Variants in SPIDR observed in about 807,000 individuals in gnomAD.
SPIDR encodes the protein scaffold protein involved in DNA repair.
In SPIDR, 93 loss-of-function variants were observed where a neutral mutation model predicts 104.6. The ratio of observed to expected loss-of-function variants is 0.89; its 90% CI spans 0.75 to 1.06. The LOEUF (loss-of-function observed/expected upper bound fraction) is 1.06. Among genes scored for constraint, SPIDR ranks in the 50% least tolerant of loss-of-function variants. The pLI is 0.00. For synonymous variants in SPIDR, 431 were observed against 416.9 expected (o/e 1.03, Z -0.41); for missense variants, 1,154 against 1,111.2 (o/e 1.04, Z -0.55).
chr8:47,393,924 TC>T (rs2060940679), intron 5 of SPIDR, among the ~76,000 whole-genome samples: 1 of 151,042 alleles, frequency 6.6e-6, no homozygotes, highest in African/African-American at 2.4e-5. Flanking sequence ...ATCCCCTGCT[TC>T]CTTTCTTCTC....
At chr8:47,344,469 T>C (rs1159938164) in intron 5 of SPIDR, among the ~76,000 whole-genome samples, 1 of 152,256 alleles carries the variant, frequency 6.6e-6, no homozygotes, top group Non-Finnish European at 1.5e-5. Context: ...TTTATAATCC[T>C]TTGGGTATAT....
intron 5 of SPIDR, among the ~76,000 whole-genome samples, chr8:47,373,071 T>C (rs2058227702): frequency 6.6e-6 from 1 of 152,218 alleles, no homozygotes; most frequent in South Asian, 2.1e-4. Flanking sequence ...AAATTGGAGA[T>C]ACACCTGAAA....
intron 11 of SPIDR, among the ~76,000 whole-genome samples, chr8:47,687,433 C>T (rs2077965979): frequency 6.6e-6 from 1 of 152,240 alleles, no homozygotes; most frequent in Non-Finnish European, 1.5e-5. Flanking sequence ...TCCTGATAGA[C>T]ATTCAGGTTG....
At chr8:47,654,068 T>C in intron 10 of SPIDR, 12 of 1,289,732 alleles carry the variant, frequency 9.3e-6, no homozygotes, top group Non-Finnish European at 1.2e-5. Flanking sequence ...GGTAGCAGCA[T>C]CTTGATCTTC....
chr8:47,422,173 C>G (rs150929496), intron 7 of SPIDR, among the ~76,000 whole-genome samples: 1 of 152,224 alleles, frequency 6.6e-6, no homozygotes, highest in African/African-American at 2.4e-5. Flanking sequence ...GAGGTTTCTG[C>G]TGCCTTTTGT....
At chr8:47,626,744 G>T (rs971535184) in intron 10 of SPIDR, among the ~76,000 whole-genome samples, 5 of 152,204 alleles carry the variant, frequency 3.3e-5, no homozygotes, top group African/African-American at 1.2e-4. Flanking sequence ...AACAACAGGT[G>T]CTGGGGAGGA....
intron 5 of SPIDR, among the ~76,000 whole-genome samples, chr8:47,327,751 C>T (rs782721492): frequency 2.6e-5 from 4 of 151,998 alleles, no homozygotes; most frequent in Admixed American, 6.6e-5. Flanking sequence ...TTAGTAGACA[C>T]GGGGTTTCAC....
intron 8 of SPIDR, chr8:47,511,092 C>G (rs2082247048): frequency 6.9e-6 from 9 of 1,309,010 alleles, no homozygotes; most frequent in Non-Finnish European, 1.0e-5. Context: ...GGGTCCAGCT[C>G]TCGTCAGCCA....
chr8:47,668,471 TAAAAAAAA>T (rs74274281), intron 10 of SPIDR, among the ~76,000 whole-genome samples: 1 of 144,420 alleles, frequency 6.9e-6, no homozygotes, highest in African/African-American at 2.5e-5. Context: ...ATTCATGATT[TAAAAAAAA>T]AAAAAATTCC....
intron 5 of SPIDR, among the ~76,000 whole-genome samples, chr8:47,342,858 A>T (rs1554614962): frequency 6.6e-6 from 1 of 152,200 alleles, no homozygotes; most frequent in Non-Finnish European, 1.5e-5. Flanking sequence ...CAGACTAGTC[A>T]TATTTATGAG....
intron 11 of SPIDR, among the ~76,000 whole-genome samples, chr8:47,695,678 T>C (rs1242922449): frequency 6.6e-6 from 1 of 152,208 alleles, no homozygotes; most frequent in Non-Finnish European, 1.5e-5. Context: ...AAAGAAGACT[T>C]TCCATGTTTA....
At chr8:47,434,969 T>C (rs1306659032) in intron 7 of SPIDR, among the ~76,000 whole-genome samples, 1 of 152,144 alleles carries the variant, frequency 6.6e-6, no homozygotes, top group African/African-American at 2.4e-5. Flanking sequence ...GTGTTTCTTT[T>C]TTTCATTTTT....
chr8:47,361,275 A>G (rs1554629816), intron 5 of SPIDR, among the ~76,000 whole-genome samples: 1 of 152,194 alleles, frequency 6.6e-6, no homozygotes, highest in East Asian at 1.9e-4. Flanking sequence ...TAAATCATTA[A>G]TTTTTATAAG....
chr8:47,475,891 A>C (rs1260014602), intron 8 of SPIDR, among the ~76,000 whole-genome samples: 1 of 152,236 alleles, frequency 6.6e-6, no homozygotes, highest in Admixed American at 6.5e-5. Context: ...TATAACTGGA[A>C]AAAGAAAAGT....
intron 8 of SPIDR, among the ~76,000 whole-genome samples, chr8:47,555,895 C>A (rs1025627934): frequency 1.8e-4 from 28 of 152,194 alleles, no homozygotes; most frequent in Admixed American, 6.5e-4. Flanking sequence ...CTTTTTCATT[C>A]ATCAAGTCAG....
At chr8:47,282,465 G>A (rs2037982853) in intron 2 of SPIDR, among the ~76,000 whole-genome samples, 1 of 152,172 alleles carries the variant, frequency 6.6e-6, no homozygotes, top group African/African-American at 2.4e-5. Flanking sequence ...GCATTACCTT[G>A]TACTTTTATG....
chr8:47,476,278 G>A (rs1554723753), intron 8 of SPIDR, among the ~76,000 whole-genome samples: 1 of 152,160 alleles, frequency 6.6e-6, no homozygotes, highest in Admixed American at 6.6e-5. Flanking sequence ...AAGAGCACTG[G>A]CATTGGAGTG....
chr8:47,599,753 G>C (rs1358600734), intron 10 of SPIDR, among the ~76,000 whole-genome samples: 1 of 152,192 alleles, frequency 6.6e-6, no homozygotes, highest in African/African-American at 2.4e-5. Context: ...GCCCTTCCTG[G>C]TGTTGGTTCT....
In SPIDR at chr8:47,306,227, C is replaced by T. The variant is rs368613796; in HGVS notation, c.525+12197C>T. 5.3e-5 allele frequency among the ~76,000 whole-genome samples: 8 copies of T among 152,218 alleles called. No individual in the cohort carries two copies. In the East Asian group the frequency reaches 9.6e-4, roughly 18 times the overall value. On this transcript the variant is annotated intron_variant, in intron 5 of 19. Transcript: ENST00000297423. ...TGCGATCTTGACTCACTGCAACCTC[C>T]GCCTCCTGGGTTCAAGTGATTGTTG... is the stretch of plus-strand genomic sequence containing the variant.
Sources: gnomAD v4.1 joint callset for allele counts (sites outside exome capture counted in the v4.1 genomes callset) on GRCh38, gnomAD v4.1.1 for gene constraint, MANE v1.5 for transcripts, NCBI Gene and HGNC (gene_info 2026-07-23, HGNC 2026-07-21) for gene names.